Variants in KIAA1328 observed in about 807,000 individuals in gnomAD.
KIAA1328 encodes the protein KIAA1328, also known as protein hinderin.
A neutral mutation model predicts 68.1 loss-of-function variants in KIAA1328; 52 were observed. The ratio of observed to expected loss-of-function variants is 0.76; its 90% CI spans 0.61 to 0.96. KIAA1328 has a LOEUF of 0.96. KIAA1328 is among the 40% of genes least tolerant of loss of function. The pLI is 0.00. For synonymous variants in KIAA1328, 232 were observed against 239.4 expected (o/e 0.97, Z 0.28); for missense variants, 641 against 677.6 (o/e 0.95, Z 0.60).
At chr18:36,863,434 G>A (rs1220989512) in intron 4 of KIAA1328, among the ~76,000 whole-genome samples, 1 of 152,048 alleles carries the variant, frequency 6.6e-6, no homozygotes, top group Admixed American at 6.5e-5. Context: ...ACTATAGTAA[G>A]CCTTAATACT....
In KIAA1328 at chr18:37,068,102, G is replaced by A. The variant is rs183189114; in HGVS notation, c.1232+557G>A. Among the ~76,000 whole-genome samples, 7 of 152,194 alleles carry A rather than the reference G, an allele frequency of 4.6e-5. No homozygotes were observed. The East Asian group carries it at 9.6e-4, about 21-fold the overall frequency. ...GAGCAGTCTGGTGTAATTTTTGCTG[G>A]GTTCCAAAGACATTTTAAAATGATC... On this transcript the variant is annotated intron_variant, in intron 7 of 9. Coordinates refer to ENST00000280020, the MANE Select transcript of KIAA1328 (RefSeq NM_020776.3).
At chr18:36,864,807 A>G (rs551357544) in intron 4 of KIAA1328, among the ~76,000 whole-genome samples, 1 of 152,140 alleles carries the variant, frequency 6.6e-6, no homozygotes, top group African/African-American at 2.4e-5. Flanking sequence ...AGATTATTCA[A>G]GTTGTCTATT....
chr18:37,182,706 T>G (rs1321320508), intron 9 of KIAA1328, among the ~76,000 whole-genome samples: 1 of 152,182 alleles, frequency 6.6e-6, no homozygotes, highest in Non-Finnish European at 1.5e-5. Context: ...TTGATTATAT[T>G]TTTTATATTG....
intron 7 of KIAA1328, among the ~76,000 whole-genome samples, chr18:37,144,320 C>G (rs1404694672): frequency 6.6e-6 from 1 of 151,918 alleles, no homozygotes; most frequent in Non-Finnish European, 1.5e-5. Context: ...GAGGGGTTTA[C>G]CACTTGTATT....
At chr18:37,190,906 T>G (rs1410738853) in intron 9 of KIAA1328, among the ~76,000 whole-genome samples, 1 of 152,222 alleles carries the variant, frequency 6.6e-6, no homozygotes, top group Non-Finnish European at 1.5e-5. Context: ...TTCCTTGTTA[T>G]GAAAGTTTCT....
intron 6 of KIAA1328, among the ~76,000 whole-genome samples, chr18:36,988,392 T>C (rs926850345): frequency 6.6e-6 from 1 of 152,216 alleles, no homozygotes; most frequent in African/African-American, 2.4e-5. Context: ...ATTGATTTAC[T>C]CTGCAATAAA....
At chr18:36,947,263 A>G (rs1429616388) in intron 5 of KIAA1328, among the ~76,000 whole-genome samples, 1 of 152,216 alleles carries the variant, frequency 6.6e-6, no homozygotes, top group African/African-American at 2.4e-5. Flanking sequence ...TCTGTAAAAC[A>G]TTTAAGGAGG....
At chr18:37,097,795 T>C (rs900324334) in intron 7 of KIAA1328, among the ~76,000 whole-genome samples, 44 of 152,330 alleles carry the variant, frequency 2.9e-4, no homozygotes, top group African/African-American at 9.9e-4. Context: ...TTCACATCCC[T>C]TGTAAGTTGG....
At chr18:37,193,079 A>G (rs1202192796) in intron 9 of KIAA1328, among the ~76,000 whole-genome samples, 1 of 152,216 alleles carries the variant, frequency 6.6e-6, no homozygotes, top group Non-Finnish European at 1.5e-5. Context: ...CCCAAAGAAC[A>G]ACAAAAAAGC....
At chr18:37,173,468 A>G (rs767472970) in intron 9 of KIAA1328, among the ~76,000 whole-genome samples, 25 of 152,244 alleles carry the variant, frequency 1.6e-4, no homozygotes, top group Non-Finnish European at 3.5e-4. Flanking sequence ...AGGAATACCA[A>G]CATTAACTTA....
At chr18:36,876,084 A>T (rs2048113408) in intron 4 of KIAA1328, among the ~76,000 whole-genome samples, 1 of 151,624 alleles carries the variant, frequency 6.6e-6, no homozygotes, top group African/African-American at 2.4e-5. Flanking sequence ...TTTACTGAGG[A>T]TTTTCCCATC....
rs560385650 is a variant in KIAA1328 at position 37,020,132 on chromosome 18, T to C, written c.577-46758T>C. ...GAAACATAGGTATTTCTTTTTTTTT[T>C]CTTTTTTTGGAGACAGAGTCTCACC... On this transcript the variant is annotated intron_variant, in intron 6 of 9. Transcript: ENST00000280020. 3.3e-5 allele frequency among the ~76,000 whole-genome samples: 5 copies of C among 152,224 alleles called. No individual in the cohort carries two copies. The East Asian group carries it at 9.7e-4, about 29-fold the overall frequency.
chr18:37,014,722 C>A (rs982080357), intron 6 of KIAA1328, among the ~76,000 whole-genome samples: 4 of 152,060 alleles, frequency 2.6e-5, no homozygotes, highest in Non-Finnish European at 5.9e-5. Context: ...GAACTTGGGA[C>A]AGTACCAAGG....
At chr18:36,959,560 G>A (rs139586118) in intron 6 of KIAA1328, 125 bp downstream of exon 6, 25 of 997,194 alleles carry the variant, frequency 2.5e-5, no homozygotes, top group Middle Eastern at 2.3e-4. Flanking sequence ...TAGCCACTGC[G>A]TGTGATTGAG....
At chr18:36,917,299 A>G (rs965540163) in intron 5 of KIAA1328, among the ~76,000 whole-genome samples, 5 of 152,094 alleles carry the variant, frequency 3.3e-5, no homozygotes, top group Non-Finnish European at 5.9e-5. Context: ...GGGTCTTGCT[A>G]TGTCACCCTG....
chr18:37,006,194 C>A (rs571061879), intron 6 of KIAA1328, among the ~76,000 whole-genome samples: 19 of 151,798 alleles, frequency 1.3e-4, no homozygotes, highest in Admixed American at 7.9e-4. Flanking sequence ...TTTAAAAAAA[C>A]CTGAAAGTCA....
Position 37,163,095 on chromosome 18 carries a change from G to A in KIAA1328, c.1414+2714G>A, listed in dbSNP as rs1396356608. On this transcript the variant is annotated intron_variant, in intron 8 of 9. Coordinates refer to ENST00000280020, the MANE Select transcript of KIAA1328 (RefSeq NM_020776.3). ...AAAAGGCATAAATCTGGAAACACCT[G>A]ATTTTCATTCCTCTTTTTTCCTCCC... Among the ~76,000 whole-genome samples, 3 of 152,140 alleles carry A rather than the reference G, an allele frequency of 2.0e-5. No individual in the cohort carries two copies. The East Asian group carries it at 5.8e-4, about 29-fold the overall frequency.
chr18:36,904,198 T>C (rs1452133600), intron 5 of KIAA1328, among the ~76,000 whole-genome samples: 1 of 152,168 alleles, frequency 6.6e-6, no homozygotes, highest in Non-Finnish European at 1.5e-5. Flanking sequence ...TTATATTTGC[T>C]GCTATATTAA....
rs1216171061 is a variant in KIAA1328, at chr18:37,021,804, C to A, written c.577-45086C>A. On this transcript the variant is annotated intron_variant, in intron 6 of 9. Coordinates refer to ENST00000280020, the MANE Select transcript of KIAA1328 (RefSeq NM_020776.3). ...AAAAATACCCAGCACTTTGGGAGGC[C>A]GGGGCAGATGGATCACGAGGTCAGG... Among the ~76,000 whole-genome samples, 24 of 151,980 alleles carry A rather than the reference C, an allele frequency of 1.6e-4. 2 individuals are homozygous for A. The highest frequency in any genetic ancestry group is 4.4e-5 in the Non-Finnish European group (3 of 67,986).
Sources: gnomAD v4.1 joint callset for allele counts (sites outside exome capture counted in the v4.1 genomes callset) on GRCh38, gnomAD v4.1.1 for gene constraint, MANE v1.5 for transcripts, NCBI Gene and HGNC (gene_info 2026-07-23, HGNC 2026-07-21) for gene names.